The following BBS7 variants were observed in gnomAD, a reference collection of about 807,000 sequenced individuals.
BBS7 encodes Bardet-Biedl syndrome 7.
Under a neutral mutation model 90.3 loss-of-function variants are expected in BBS7, and 50 were observed. The ratio of observed to expected loss-of-function variants is 0.55; its 90% CI spans 0.44 to 0.70. BBS7 has a LOEUF of 0.70. Ranked by LOEUF, BBS7 falls within the 30% of genes least tolerant of loss-of-function variation. BBS7 has a pLI of 0.00. For synonymous variants in BBS7, 235 were observed against 287.4 expected (o/e 0.82, Z 1.85); for missense variants, 729 against 838.9 (o/e 0.87, Z 1.62).
intron 5 of BBS7, chr4:121,858,753 T>C (rs1726821122): frequency 4.5e-6 from 2 of 440,090 alleles, no homozygotes; most frequent in Admixed American, 3.8e-5. Flanking sequence ...AGCTCAGAAA[T>C]TGTGTATGGT....
chr4:121,855,886 GTA>G (rs200699106), intron 5 of BBS7, among the ~76,000 whole-genome samples: 1 of 142,626 alleles, frequency 7.0e-6, no homozygotes, highest in African/African-American at 2.8e-5. Flanking sequence ...GTACATATAT[GTA>G]CATACATGTA....
chr4:121,855,306 C>A (rs1168119958), intron 6 of BBS7, 183 bp downstream of exon 6: 1 of 578,110 alleles, frequency 1.7e-6, no homozygotes, highest in African/African-American at 1.9e-5. Flanking sequence ...AGACCCTGCC[C>A]CCCAGCCCCC....
At chr4:121,858,833 CAA>C (rs768590403) in intron 5 of BBS7, 157 bp downstream of exon 5, 36 of 717,766 alleles carry the variant, frequency 5.0e-5, no homozygotes, top group Non-Finnish European at 7.5e-5. Context: ...ACATTTGACT[CAA>C]GTTAAAAAAA....
At chr4:121,857,020 C>T (rs1405842556) in intron 5 of BBS7, among the ~76,000 whole-genome samples, 2 of 152,128 alleles carry the variant, frequency 1.3e-5, no homozygotes, top group African/African-American at 4.8e-5. Context: ...CCATCTGCCT[C>T]AGCCTCCCAC....
intron 12 of BBS7, among the ~76,000 whole-genome samples, chr4:121,841,912 T>A (rs1023533271): frequency 2.6e-5 from 4 of 152,134 alleles, no homozygotes; most frequent in African/African-American, 9.7e-5. Flanking sequence ...ATAATACAAC[T>A]GTTATAAAAT....
intron 9 of BBS7, 92 bp from the exon 10 acceptor site, chr4:121,847,598 T>C: frequency 1.1e-6 from 1 of 884,846 alleles, no homozygotes; most frequent in South Asian, 1.3e-5. Context: ...CCAATGTACA[T>C]GCCCCTTTGT....
Position 121,847,301 on chromosome 4 carries a change from A to G in BBS7, c.1037+103T>C, listed in dbSNP as rs1481748015. Reference sequence around the variant, plus strand: ...AAAAGGTGATAAACTAATTAATTACATAATTCCTTCCAATAAAATATACTG... The same window carrying G: ...AAAAGGTGATAAACTAATTAATTACGTAATTCCTTCCAATAAAATATACTG... On this transcript the variant is annotated intron_variant, in intron 10 of 18. Transcript: ENST00000264499. 2.0e-5 allele frequency: 15 copies of G among 763,566 alleles called. No individual in the cohort carries two copies. In the Admixed American group the frequency reaches 3.2e-4, roughly 16 times the overall value. The allele number at this position is 763,566 out of a possible 1,614,324, so 47.3% of individuals were successfully genotyped here.
At chr4:121,858,479 A>G (rs1020513739) in intron 5 of BBS7, 2 of 160,024 alleles carry the variant, frequency 1.2e-5, no homozygotes, top group Non-Finnish European at 2.7e-5. Context: ...GTTTTAGCCA[A>G]TCGTGGTTTT....
At chr4:121,857,121 C>CTTT (rs113652840) in intron 5 of BBS7, among the ~76,000 whole-genome samples, 17 of 143,568 alleles carry the variant, frequency 1.2e-4, no homozygotes, top group East Asian at 6.1e-4. Flanking sequence ...TATGCTTTAT[C>CTTT]TTTTTTTTTT....
At chr4:121,836,697 A>T (rs1347729977) in intron 13 of BBS7, among the ~76,000 whole-genome samples, 2 of 152,146 alleles carry the variant, frequency 1.3e-5, no homozygotes, top group Non-Finnish European at 2.9e-5. Context: ...CTGCTATTTT[A>T]TTGCCATTAA....
intron 18 of BBS7, chr4:121,827,910 CTTAT>C (rs1232849422): frequency 1.3e-5 from 17 of 1,280,988 alleles, no homozygotes; most frequent in Non-Finnish European, 1.7e-5. Context: ...TCACAGTATA[CTTAT>C]TTCTTAATAT....
intron 15 of BBS7, among the ~76,000 whole-genome samples, chr4:121,829,617 T>C (rs2149049875): frequency 1.3e-5 from 2 of 152,286 alleles, no homozygotes; most frequent in Middle Eastern, 3.4e-3. Flanking sequence ...TCAGTTTCAG[T>C]GGCAATGGTC....
chr4:121,854,621 T>C, intron 7 of BBS7, 83 bp downstream of exon 7: 3 of 1,340,122 alleles, frequency 2.2e-6, no homozygotes, highest in Non-Finnish European at 3.0e-6. Context: ...GTAGTATAAA[T>C]AGATAAAATA....
chr4:121,856,774 GT>G (rs544291720), intron 5 of BBS7, among the ~76,000 whole-genome samples: 149 of 143,904 alleles, frequency 1.0e-3, no homozygotes, highest in South Asian at 1.8e-3. Context: ...TTGTTTTAAT[GT>G]TTTTTTTTTT....
At chr4:121,863,179 T>A (rs996919615) in intron 3 of BBS7, 38 bp downstream of exon 3, 6 of 1,598,010 alleles carry the variant, frequency 3.8e-6, no homozygotes, top group Non-Finnish European at 5.1e-6. Context: ...CATTCTCTTT[T>A]AGAAAACCAT....
chr4:121,845,735 T>A, intron 10 of BBS7, 39 bp from the exon 11 acceptor site: 7 of 1,550,102 alleles, frequency 4.5e-6, no homozygotes, highest in Non-Finnish European at 6.2e-6. Context: ...AATATAAGTA[T>A]AAACATTTGA....
At chr4:121,826,835 T>C (rs528622232) in intron 18 of BBS7, among the ~76,000 whole-genome samples, 11 of 151,940 alleles carry the variant, frequency 7.2e-5, no homozygotes, top group African/African-American at 2.7e-4. Context: ...TACAAAAAAA[T>C]TAGCTGGGCA....
chr4:121,863,813 C>T (rs887162480), intron 2 of BBS7, among the ~76,000 whole-genome samples: 1 of 152,126 alleles, frequency 6.6e-6, no homozygotes, highest in African/African-American at 2.4e-5. Context: ...ATGTGCCTAT[C>T]ACCTAGTTTC....
Position 121,846,476 on chromosome 4 carries a change from G to A in BBS7, c.1038-780C>T, listed in dbSNP as rs570800990. Among the ~76,000 whole-genome samples the A allele has an allele frequency of 5.3e-5, 8 of 152,232 alleles. No individual in the cohort carries two copies. In the East Asian group the frequency reaches 1.4e-3, roughly 26 times the overall value. On this transcript the variant is annotated intron_variant, in intron 10 of 18. Transcript: ENST00000264499. ...TTACATATTTACTCCTATGTACCTAGCAGTGTTTGGGTATCAAATGAACAA... is the reference window on the plus strand; with the variant it reads ...TTACATATTTACTCCTATGTACCTAACAGTGTTTGGGTATCAAATGAACAA...
Sources: allele counts gnomAD v4.1 joint callset (sites outside exome capture counted in the v4.1 genomes callset), GRCh38; gene constraint gnomAD v4.1.1; transcripts MANE v1.5; gene names NCBI Gene and HGNC (gene_info 2026-07-23, HGNC 2026-07-21).